The following DPYD variants were observed in gnomAD, a reference collection of about 807,000 sequenced individuals.
The protein encoded by DPYD is dihydropyrimidine dehydrogenase [NADP(+)].
A neutral mutation model predicts 116.2 loss-of-function variants in DPYD; 109 were observed. That is an observed-to-expected ratio of 0.94 (90% CI 0.80 to 1.10). DPYD has a LOEUF of 1.10. DPYD is among the 50% of genes least tolerant of loss of function. The probability of loss-of-function intolerance (pLI) is 0.00; values close to 1 mark genes in which losing one functional copy is unlikely to be tolerated. For missense variants in DPYD, 1,302 were observed against 1,254.5 expected (o/e 1.04, Z -0.57); for synonymous variants, 440 against 432.0 (o/e 1.02, Z -0.23).
At chr1:97,762,211 G>T (rs1665611867) in intron 3 of DPYD, among the ~76,000 whole-genome samples, 1 of 152,026 alleles carries the variant, frequency 6.6e-6, no homozygotes, top group Non-Finnish European at 1.5e-5. Flanking sequence ...AAAAGATGAG[G>T]TACATTCCAG....
At chr1:97,577,845 A>G (rs1199771306) in intron 10 of DPYD, among the ~76,000 whole-genome samples, 1 of 151,474 alleles carries the variant, frequency 6.6e-6, no homozygotes, top group African/African-American at 2.4e-5. Flanking sequence ...TAATTAATTA[A>G]TTAATTAATT....
intron 19 of DPYD, among the ~76,000 whole-genome samples, chr1:97,222,265 T>G (rs1660827976): frequency 6.6e-6 from 1 of 152,030 alleles, no homozygotes; most frequent in South Asian, 2.1e-4. Flanking sequence ...AAGAAAAAAT[T>G]TAGGCAAGGA....
intron 5 of DPYD, among the ~76,000 whole-genome samples, chr1:97,701,170 C>A (rs1661575584): frequency 6.8e-6 from 1 of 146,646 alleles, no homozygotes; most frequent in Non-Finnish European, 1.5e-5. Flanking sequence ...CAAACACTAA[C>A]CAAAAGAAAG....
At chr1:97,507,514 T>G (rs1647430416) in intron 13 of DPYD, among the ~76,000 whole-genome samples, 1 of 151,990 alleles carries the variant, frequency 6.6e-6, no homozygotes, top group African/African-American at 2.4e-5. Context: ...TAAATCAGTT[T>G]TATTTAATCT....
chr1:97,235,441 A>C (rs1360702540), intron 18 of DPYD, among the ~76,000 whole-genome samples: 1 of 152,138 alleles, frequency 6.6e-6, no homozygotes, highest in Non-Finnish European at 1.5e-5. Context: ...AACATGGTGA[A>C]ATCCCATGGC....
intron 19 of DPYD, among the ~76,000 whole-genome samples, chr1:97,228,786 G>A (rs541486030): frequency 1.3e-5 from 2 of 152,234 alleles, no homozygotes; most frequent in Admixed American, 6.5e-5. Context: ...CCAGAGAACA[G>A]AATTCGGTTG....
intron 12 of DPYD, among the ~76,000 whole-genome samples, chr1:97,533,478 C>G (rs532119955): frequency 6.6e-6 from 1 of 152,000 alleles, no homozygotes; most frequent in African/African-American, 2.4e-5. Context: ...TGACAGGCCC[C>G]GGGGCAAAGG....
At chr1:97,361,726 C>CAT (rs1359590705) in intron 16 of DPYD, among the ~76,000 whole-genome samples, 1 of 152,202 alleles carries the variant, frequency 6.6e-6, no homozygotes, top group Non-Finnish European at 1.5e-5. Flanking sequence ...TCAATAGATG[C>CAT]ATAAAAGGCC....
At chr1:97,811,738 CT>C (rs1021810119) in intron 3 of DPYD, among the ~76,000 whole-genome samples, 2 of 152,034 alleles carry the variant, frequency 1.3e-5, no homozygotes, top group African/African-American at 4.8e-5. Context: ...AACTTTTCCC[CT>C]ATTATAATCT....
At chr1:97,798,975 C>T (rs1390162988) in intron 3 of DPYD, among the ~76,000 whole-genome samples, 1 of 151,976 alleles carries the variant, frequency 6.6e-6, no homozygotes, top group Non-Finnish European at 1.5e-5. Context: ...AATTATGGAA[C>T]CTTTCTGAAT....
rs182594041 is a variant in DPYD, at chr1:97,684,298, A to G, written c.763-5116T>C. 1.4e-3 allele frequency among the ~76,000 whole-genome samples: 215 copies of G among 152,252 alleles called. 2 individuals are homozygous for G. Among genetic ancestry groups the G allele is most frequent in the Non-Finnish European group, 2.7e-3 (181 of 68,006 alleles). On this transcript the variant is annotated intron_variant, in intron 7 of 22. Coordinates refer to ENST00000370192, the MANE Select transcript of DPYD (RefSeq NM_000110.4). ...GCCTTAATTTCATTGTTTACCCAGG[A>G]GTCATACAGGAGCAAGTTGTTCAAT...
intron 13 of DPYD, among the ~76,000 whole-genome samples, chr1:97,481,887 C>G (rs994745098): frequency 1.3e-5 from 2 of 152,018 alleles, no homozygotes. Flanking sequence ...TATGTGTGTT[C>G]ATTCACACAC....
At chr1:97,512,274 T>C (rs1328348900) in intron 13 of DPYD, among the ~76,000 whole-genome samples, 3 of 151,924 alleles carry the variant, frequency 2.0e-5, no homozygotes, top group Non-Finnish European at 2.9e-5. Context: ...CTTTACTTCT[T>C]AGCATTTTAT....
chr1:97,153,989 A>G (rs1655233640), intron 20 of DPYD, among the ~76,000 whole-genome samples: 2 of 146,886 alleles, frequency 1.4e-5, no homozygotes, highest in South Asian at 2.2e-4. Flanking sequence ...AAAAAAAAAA[A>G]GATGTTGGCG....
At chr1:97,226,292 T>G (rs1557953176) in intron 19 of DPYD, among the ~76,000 whole-genome samples, 2 of 152,248 alleles carry the variant, frequency 1.3e-5, no homozygotes. Flanking sequence ...CAGTCAATAG[T>G]GAAAAGTTGA....
chr1:97,598,458 A>G (rs1655024850), intron 8 of DPYD, among the ~76,000 whole-genome samples: 1 of 152,236 alleles, frequency 6.6e-6, no homozygotes, highest in Admixed American at 6.5e-5. Flanking sequence ...AGATATGTAT[A>G]GTCTTTGTCT....
chr1:97,898,645 C>T (rs1012031047), intron 1 of DPYD, among the ~76,000 whole-genome samples: 1 of 151,856 alleles, frequency 6.6e-6, no homozygotes. Flanking sequence ...AAATCCTGAG[C>T]AATATGGTTT....
chr1:97,434,959 T>TCACAATA (rs1260328063), intron 14 of DPYD, among the ~76,000 whole-genome samples: 1 of 151,978 alleles, frequency 6.6e-6, no homozygotes, highest in Non-Finnish European at 1.5e-5. Context: ...TGAAATCGAT[T>TCACAATA]CAGAGAAATA....
At chr1:97,394,237 T>C (rs1315876126) in intron 14 of DPYD, 1 of 152,164 alleles carries the variant, frequency 6.6e-6, no homozygotes, top group African/African-American at 2.4e-5. Context: ...TCCCATTCTG[T>C]AGGTTGCCTG....
Sources: allele counts gnomAD v4.1 joint callset (sites outside exome capture counted in the v4.1 genomes callset), GRCh38; gene constraint gnomAD v4.1.1; transcripts MANE v1.5; gene names NCBI Gene and HGNC (gene_info 2026-07-23, HGNC 2026-07-21).